The following DLGAP1 variants were observed in gnomAD, a reference collection of about 807,000 sequenced individuals.
The protein encoded by DLGAP1 is DLG associated protein 1, also known as disks large-associated protein 1.
DLGAP1 carries 11 observed loss-of-function variants against 90.8 expected under a neutral mutation model. The observed-to-expected ratio is 0.12, with a 90% confidence interval of 0.08 to 0.20. DLGAP1 has a LOEUF of 0.20. Among genes scored for constraint, DLGAP1 ranks in the 10% least tolerant of loss-of-function variants. DLGAP1 has a pLI of 1.00. For synonymous variants in DLGAP1, 558 were observed against 540.7 expected (o/e 1.03, Z -0.44); for missense variants, 1,050 against 1,333.8 (o/e 0.79, Z 3.31).
intron 2 of DLGAP1, among the ~76,000 whole-genome samples, chr18:4,120,272 C>T (rs2076131064): frequency 6.6e-6 from 1 of 152,078 alleles, no homozygotes; most frequent in Non-Finnish European, 1.5e-5. Flanking sequence ...ATCAGAGTGC[C>T]CAATTAAATT....
chr18:4,129,935 T>C lies in DLGAP1; in HGVS notation c.-159+21245A>G, dbSNP rs1310629061. Among the ~76,000 whole-genome samples, 4 of 152,176 alleles carry C rather than the reference T, an allele frequency of 2.6e-5. No individual in the cohort carries two copies. In the East Asian group the frequency reaches 7.7e-4, roughly 29 times the overall value. On this transcript the variant is annotated intron_variant, in intron 2 of 12. Transcript: ENST00000315677. ...ACTATCCTTAGCTATTGATGACATA[T>C]CTAAATGGGACATTCTGGGCATTGT...
intron 1 of DLGAP1, among the ~76,000 whole-genome samples, chr18:4,187,322 G>A (rs1157922439): frequency 6.6e-6 from 1 of 152,038 alleles, no homozygotes; most frequent in Admixed American, 6.6e-5. Context: ...TCCTTGTCTT[G>A]TGCCAGTTTT....
intron 1 of DLGAP1, among the ~76,000 whole-genome samples, chr18:4,195,035 T>C (rs914897889): frequency 6.6e-6 from 1 of 152,208 alleles, no homozygotes; most frequent in Non-Finnish European, 1.5e-5. Context: ...TTTCCTCCTG[T>C]CTACCTGAAA....
At chr18:3,559,891 G>A (rs1229094340) in intron 9 of DLGAP1, among the ~76,000 whole-genome samples, 1 of 151,528 alleles carries the variant, frequency 6.6e-6, no homozygotes, top group African/African-American at 2.4e-5. Context: ...AAAGTGCTGG[G>A]ATTACAGGCA....
chr18:3,741,826 C>T (rs1164605709), intron 6 of DLGAP1, among the ~76,000 whole-genome samples: 5 of 148,992 alleles, frequency 3.4e-5, no homozygotes, highest in East Asian at 1.9e-4. Context: ...GTTTAAAAGC[C>T]GAAGTTTTCT....
At chr18:4,390,348 T>C (rs920979387) in intron 1 of DLGAP1, among the ~76,000 whole-genome samples, 1 of 152,086 alleles carries the variant, frequency 6.6e-6, no homozygotes. Context: ...TTGTAATTGA[T>C]GAACCTCTAT....
chr18:4,405,910 C>A (rs562222533), intron 1 of DLGAP1, among the ~76,000 whole-genome samples: 1 of 152,090 alleles, frequency 6.6e-6, no homozygotes, highest in Non-Finnish European at 1.5e-5. Context: ...AACTAAAGAA[C>A]GAAGGAATGA....
intron 1 of DLGAP1, among the ~76,000 whole-genome samples, chr18:4,326,578 C>T (rs951904443): frequency 6.6e-6 from 1 of 152,074 alleles, no homozygotes; most frequent in Non-Finnish European, 1.5e-5. Flanking sequence ...ATAGCAAAGG[C>T]ACGGAATCAA....
chr18:4,369,343 A>G (rs934881464), intron 1 of DLGAP1, among the ~76,000 whole-genome samples: 45 of 152,232 alleles, frequency 3.0e-4, no homozygotes, highest in African/African-American at 9.6e-4. Context: ...GGCAAACAAT[A>G]TATGTTTGTT....
chr18:3,551,675 T>TCTTTCCCCCCCCC (rs1568180028), intron 9 of DLGAP1, among the ~76,000 whole-genome samples: 1 of 56,072 alleles, frequency 1.8e-5, no homozygotes, highest in Non-Finnish European at 4.0e-5. Flanking sequence ...CTTCTTTCTT[T>TCTTTCCCCCCCCC]TCCCTCCCCT....
At chr18:3,988,573 C>A (rs2073889109) in intron 3 of DLGAP1, among the ~76,000 whole-genome samples, 1 of 152,134 alleles carries the variant, frequency 6.6e-6, no homozygotes, top group Non-Finnish European at 1.5e-5. Flanking sequence ...AGGGTTGGCG[C>A]TCCCATGATA....
In DLGAP1 at chr18:3,704,560, C is replaced by G. The variant is rs1269516281; in HGVS notation, c.1591+24575G>C. Among the ~76,000 whole-genome samples the G allele has an allele frequency of 6.6e-5, 10 of 151,352 alleles. 1 individual carries two copies. Among genetic ancestry groups the G allele is most frequent in the Admixed American group, 5.3e-4 (8 of 15,180 alleles). On this transcript the variant is annotated intron_variant, in intron 7 of 12. Transcript: ENST00000315677. ...ACTCCAGACTCCAGCCTGGGTGACA[C>G]AGCGAGACTCCATCTAAAAAAAAAA...
intron 5 of DLGAP1, among the ~76,000 whole-genome samples, chr18:3,811,923 C>G (rs2066864112): frequency 6.6e-6 from 1 of 152,194 alleles, no homozygotes; most frequent in Non-Finnish European, 1.5e-5. Flanking sequence ...TCATCTTCCT[C>G]ATGGCTCTAC....
chr18:3,801,338 A>G (rs146029620), intron 5 of DLGAP1, among the ~76,000 whole-genome samples: 7 of 152,272 alleles, frequency 4.6e-5, no homozygotes, highest in African/African-American at 7.2e-5. Context: ...GTAACTTCGT[A>G]TATCAGCCCT....
chr18:4,408,846 C>CA, intron 1 of DLGAP1, among the ~76,000 whole-genome samples: 1 of 152,066 alleles, frequency 6.6e-6, no homozygotes, highest in African/African-American at 2.4e-5. Flanking sequence ...GTAGGTATAT[C>CA]ACTGTCAAAT....
At chr18:3,613,969 C>A (rs2057743176) in intron 7 of DLGAP1, among the ~76,000 whole-genome samples, 1 of 152,004 alleles carries the variant, frequency 6.6e-6, no homozygotes, top group Admixed American at 6.6e-5. Flanking sequence ...TTTGCCCAGG[C>A]TGGAGTGAAG....
At chr18:4,362,803 A>C (rs531891709) in intron 1 of DLGAP1, among the ~76,000 whole-genome samples, 4 of 152,238 alleles carry the variant, frequency 2.6e-5, no homozygotes, top group Admixed American at 2.6e-4. Flanking sequence ...CAATTTCAGG[A>C]CTCTGAAAAA....
intron 1 of DLGAP1, among the ~76,000 whole-genome samples, chr18:4,394,872 T>C (rs1598348743): frequency 6.6e-6 from 1 of 152,210 alleles, no homozygotes; most frequent in East Asian, 1.9e-4. Flanking sequence ...AAATAAGGCA[T>C]GCTCAGCCTG....
intron 3 of DLGAP1, among the ~76,000 whole-genome samples, chr18:3,903,479 CG>C (rs1218080958): frequency 2.0e-5 from 3 of 152,174 alleles, no homozygotes; most frequent in Non-Finnish European, 2.9e-5. Flanking sequence ...CATGGATTTA[CG>C]TATGACTAGC....
Sources: gnomAD v4.1 joint callset for allele counts (sites outside exome capture counted in the v4.1 genomes callset) on GRCh38, gnomAD v4.1.1 for gene constraint, MANE v1.5 for transcripts, NCBI Gene and HGNC (gene_info 2026-07-23, HGNC 2026-07-21) for gene names.